FRRS1: variants seen among roughly 807,000 people sequenced by gnomAD.
The protein encoded by FRRS1 is ferric reductase 1.
FRRS1 carries 51 observed loss-of-function variants against 70.7 expected under a neutral mutation model. The observed-to-expected ratio is 0.72, with a 90% CI of 0.58 to 0.91. The LOEUF (loss-of-function observed/expected upper bound fraction) is 0.91, where lower values mean the gene tolerates loss of function less well. Among genes scored for constraint, FRRS1 ranks in the 40% least tolerant of loss-of-function variants. The pLI, the probability that FRRS1 is intolerant of heterozygous loss-of-function variation, is 0.00. For synonymous variants in FRRS1, 225 were observed against 238.7 expected (o/e 0.94, Z 0.53); for missense variants, 672 against 726.0 (o/e 0.93, Z 0.86).
rs1049693490 is a variant in FRRS1, at chr1:99,704,956, G to C, written c.*4072C>G. On this transcript the variant is annotated 3_prime_UTR_variant, in exon 17 of 17. Coordinates refer to ENST00000646001, the MANE Select transcript of FRRS1 (RefSeq NM_001361041.2). ...CCTTGCACTCGTTCTTCAAGCCCAG[G>C]TGTGATCCGATTCTCCTGGTACACC... is the stretch of plus-strand genomic sequence containing the variant. Among the ~76,000 whole-genome samples, 1 of 152,180 alleles carries C rather than the reference G, an allele frequency of 6.6e-6. No individual in the cohort carries two copies. Among genetic ancestry groups the C allele is most frequent in the South Asian group, 2.1e-4 (1 of 4,832 alleles).
At chr1:99,728,415 G>T (rs556689136) in intron 9 of FRRS1, 78 bp downstream of exon 9, 90 of 1,300,410 alleles carry the variant, frequency 6.9e-5, no homozygotes, top group Admixed American at 1.1e-4. Flanking sequence ...AATTACAGTA[G>T]TTTTTCCAAA....
At chr1:99,753,415 C>CAA in intron 1 of FRRS1, among the ~76,000 whole-genome samples, 1 of 151,266 alleles carries the variant, frequency 6.6e-6, no homozygotes, top group South Asian at 2.1e-4. Flanking sequence ...AAAAGACAAA[C>CAA]ATTCGATTTG....
rs934962565 is a variant in FRRS1 at position 99,709,336 on chromosome 1, G to A, written c.1625-77C>T. Reference sequence around the variant, plus strand: ...TAAATTTTTTAAAAAAACCTGATTTGTACTGTTCACCCCAATTTCCAGGGT... The same window carrying A: ...TAAATTTTTTAAAAAAACCTGATTTATACTGTTCACCCCAATTTCCAGGGT... On this transcript the variant is annotated intron_variant, in intron 15 of 16. Transcript: ENST00000646001. The A allele has an allele frequency of 2.0e-5, 20 of 988,080 alleles. No individual in the cohort carries two copies. In the African/African-American group the frequency reaches 2.8e-4, roughly 14 times the overall value. The allele number at this position is 988,080 out of a possible 1,614,324, so 61.2% of individuals were successfully genotyped here. A position where few individuals can be genotyped will look rare whatever the true frequency, so the allele number is the denominator to read the frequency against.
rs1654591352 is a variant in FRRS1 at position 99,717,478 on chromosome 1, G to C, written c.1168C>G (p.Leu390Val). The change falls in exon 11 of 17, where the codon CTG (leucine) becomes GTG (valine). Residue 390 changes from leucine to valine, a missense_variant. Physicochemically the swap from Leu to Val is conservative, Grantham distance 32. Transcript: ENST00000646001. ...ACTGGCTTGAAGAACCGGGCAACCAGTACACCTATGCTAACAGTAGTCATC... is the reference window on the plus strand; with the variant it reads ...ACTGGCTTGAAGAACCGGGCAACCACTACACCTATGCTAACAGTAGTCATC... ...AWMTTVSIGV[L>V]VARFFKPVWS... 1 of 1,613,910 alleles carries C rather than the reference G, an allele frequency of 6.2e-7. No homozygotes were observed. Among genetic ancestry groups the C allele is most frequent in the African/African-American group, 1.3e-5 (1 of 74,912 alleles).
intron 11 of FRRS1, among the ~76,000 whole-genome samples, chr1:99,716,261 T>C (rs528924062): frequency 6.6e-6 from 1 of 152,322 alleles, no homozygotes; most frequent in African/African-American, 2.4e-5. Context: ...TGTGTGTGTA[T>C]GGATGGATGG....
At chr1:99,762,671 A>C (rs1657167384) in intron 1 of FRRS1, among the ~76,000 whole-genome samples, 1 of 152,170 alleles carries the variant, frequency 6.6e-6, no homozygotes, top group African/African-American at 2.4e-5. Flanking sequence ...AGTGAAATTC[A>C]TATTTTCCTC....
chr1:99,723,135 G>GA (rs61445963), intron 9 of FRRS1, among the ~76,000 whole-genome samples: 26 of 152,208 alleles, frequency 1.7e-4, no homozygotes, highest in Middle Eastern at 3.4e-3. Flanking sequence ...AAATTTCATT[G>GA]AAAGACACAT....
chr1:99,763,868 CAA>C (rs71744107), intron 1 of FRRS1, among the ~76,000 whole-genome samples: 129 of 109,968 alleles, frequency 1.2e-3, no homozygotes, highest in African/African-American at 2.8e-3. Flanking sequence ...AACTCTGTCT[CAA>C]AAAAAAAAAA....
chr1:99,719,584 G>A lies in FRRS1; in HGVS notation c.1070C>T (p.Ser357Phe), dbSNP rs1461527468. The change falls in exon 10 of 17, where the codon TCT (serine) becomes TTT (phenylalanine). Residue 357 changes from serine to phenylalanine, a missense_variant. By Grantham distance (155) the Ser-to-Phe change is radical. Coordinates refer to ENST00000646001, the MANE Select transcript of FRRS1 (RefSeq NM_001361041.2). ...ATGGGATCCTCCTATGTTCTTTGGA[G>A]AGTCTGTCACATCATATTTTTCATA... ...ITYEKYDVTD[S>F]PKNIGGSHSV... The A allele has an allele frequency of 1.2e-6, 2 of 1,611,630 alleles. No individual in the cohort carries two copies. Among genetic ancestry groups the A allele is most frequent in the Non-Finnish European group, 1.7e-6 (2 of 1,177,892 alleles).
intron 9 of FRRS1, among the ~76,000 whole-genome samples, chr1:99,723,977 A>G (rs956575944): frequency 6.6e-6 from 1 of 152,212 alleles, no homozygotes; most frequent in African/African-American, 2.4e-5. Context: ...ATGATCAAGA[A>G]AACTATCAAA....
chr1:99,757,598 G>A (rs2814044), intron 1 of FRRS1, among the ~76,000 whole-genome samples: 75,226 of 151,990 alleles, frequency 0.49, 22,623 homozygotes, highest in African/African-American at 0.85. Flanking sequence ...ATATAAAAAC[G>A]CAGTAATCCT....
intron 1 of FRRS1, among the ~76,000 whole-genome samples, chr1:99,762,508 G>T (rs1488849737): frequency 7.3e-6 from 1 of 136,460 alleles, no homozygotes; most frequent in Admixed American, 8.1e-5. Context: ...TTTCTCTGTA[G>T]GATCATCACT....
intron 9 of FRRS1, among the ~76,000 whole-genome samples, chr1:99,726,335 C>T (rs4448538): frequency 0.26 from 38,883 of 152,054 alleles, 5,174 homozygotes; most frequent in African/African-American, 0.32. Context: ...ATAAATTACC[C>T]AGTCTCGGGT....
chr1:99,762,994 T>C (rs1429956769), intron 1 of FRRS1, among the ~76,000 whole-genome samples: 4 of 152,234 alleles, frequency 2.6e-5, no homozygotes, highest in African/African-American at 4.8e-5. Context: ...TCCCTGTTTC[T>C]GTATCTCCTC....
In FRRS1 at chr1:99,750,293, G is replaced by C. The variant is rs144678655; in HGVS notation, c.-105-1292C>G. On this transcript the variant is annotated intron_variant, in intron 1 of 16. Coordinates refer to ENST00000646001, the MANE Select transcript of FRRS1 (RefSeq NM_001361041.2). The stretch of plus-strand genomic sequence containing the variant: ...TCTCCTTACCACCACATTATTAAAG[G>C]CCTATTTACAGCAGTTCCTTTTACC... 3.5e-3 allele frequency among the ~76,000 whole-genome samples: 526 copies of C among 152,178 alleles called. 5 individuals are homozygous for C. Among genetic ancestry groups the C allele is most frequent in the African/African-American group, 0.012 (483 of 41,504 alleles).
At position 99,737,034 on chromosome 1, in the gene FRRS1, T is replaced by C. The variant is rs559796253; in HGVS notation, c.759+1052A>G. On this transcript the variant is annotated intron_variant, in intron 7 of 16. Transcript: ENST00000646001. ...TTAAATCCTGATAAGAAGAAAACCC[T>C]CAAGACAAGAACGCCTGTGCTAATA... is the stretch of plus-strand genomic sequence containing the variant. Among the ~76,000 whole-genome samples the C allele has an allele frequency of 3.7e-4, 40 of 108,972 alleles. 1 individual carries two copies. In the South Asian group the frequency reaches 0.012, roughly 32 times the overall value. The allele number at this position is 108,972 out of a possible 152,430, so 71.5% of individuals were successfully genotyped here.
intron 12 of FRRS1, 120 bp from the exon 13 acceptor site, chr1:99,712,635 AATG>A: frequency 1.8e-6 from 1 of 558,224 alleles, no homozygotes; most frequent in Non-Finnish European, 3.2e-6. Context: ...AAGATTCAAT[AATG>A]ATGATAATAA....
At chr1:99,712,068 C>T (rs750591091) in intron 14 of FRRS1, 37 bp downstream of exon 14, 8 of 1,398,972 alleles carry the variant, frequency 5.7e-6, no homozygotes, top group Non-Finnish European at 8.0e-6. Flanking sequence ...AAGCAGCTAG[C>T]AATTATATAT....
At chr1:99,735,472 T>G (rs1655606750) in intron 7 of FRRS1, among the ~76,000 whole-genome samples, 1 of 152,230 alleles carries the variant, frequency 6.6e-6, no homozygotes, top group African/African-American at 2.4e-5. Flanking sequence ...AAATTTACAT[T>G]ATACACTCCA....
Sources: allele counts gnomAD v4.1 joint callset (sites outside exome capture counted in the v4.1 genomes callset), GRCh38; gene constraint gnomAD v4.1.1; transcripts MANE v1.5; gene names NCBI Gene and HGNC (gene_info 2026-07-23, HGNC 2026-07-21).